RALGPS1: variants seen among roughly 807,000 people sequenced by gnomAD.
RALGPS1 encodes ras-specific guanine nucleotide-releasing factor RalGPS1.
In RALGPS1, 19 loss-of-function variants were observed where a neutral mutation model predicts 78.8. The ratio of observed to expected loss-of-function variants is 0.24; its 90% confidence interval spans 0.17 to 0.35. RALGPS1 has a LOEUF of 0.35. Ranked by LOEUF, RALGPS1 falls within the 10% of genes least tolerant of loss-of-function variation. RALGPS1 has a pLI of 1.00. For missense variants in RALGPS1, 454 were observed against 688.3 expected, an observed-to-expected ratio of 0.66 and a Z score of 3.81; for synonymous variants, 228 against 256.3, an observed-to-expected ratio of 0.89 and a Z score of 1.06.
At position 127,122,641 on chromosome 9, in the gene RALGPS1, C is replaced by T. The variant is rs1487013973; in HGVS notation, c.611-43428C>T. On this transcript the variant is annotated intron_variant, in intron 8 of 18. Transcript: ENST00000259351. The surrounding 1 kb of genome is among the most constrained non-coding windows in gnomAD (Gnocchi z 6.4). ...GTCCGCAGCAGCCTCATTTGAACTCCCAACTCCTTTGTGGAGCCTTTACAT... is the reference window on the plus strand; with the variant it reads ...GTCCGCAGCAGCCTCATTTGAACTCTCAACTCCTTTGTGGAGCCTTTACAT... 1 of 152,758 alleles carries T rather than the reference C, an allele frequency of 6.5e-6. No homozygotes were observed. Among genetic ancestry groups the T allele is most frequent in the African/African-American group, 2.4e-5 (1 of 41,450 alleles). The allele number at this position is 152,758 out of a possible 1,614,324, so 9.5% of individuals were successfully genotyped here.
intron 14 of RALGPS1, chr9:127,210,619 C>G (rs1228275057): frequency 1.8e-6 from 2 of 1,102,866 alleles, no homozygotes; most frequent in Non-Finnish European, 2.7e-6. Context: ...ACTATGTTGT[C>G]GGGGTGCTCT....
intron 8 of RALGPS1, among the ~76,000 whole-genome samples, chr9:127,082,311 G>A (rs1427297205): frequency 6.6e-6 from 1 of 152,208 alleles, no homozygotes; most frequent in Non-Finnish European, 1.5e-5. Flanking sequence ...CAAAGGATTG[G>A]TAGCCCAGGG....
chr9:127,097,441 A>G (rs1437084203), intron 8 of RALGPS1, among the ~76,000 whole-genome samples: 1 of 152,256 alleles, frequency 6.6e-6, no homozygotes, highest in African/African-American at 2.4e-5. Context: ...CATCAAAAAC[A>G]CAAATTCAAA....
chr9:127,191,121 C>T (rs1270405732), intron 11 of RALGPS1, among the ~76,000 whole-genome samples: 3 of 152,136 alleles, frequency 2.0e-5, no homozygotes, highest in Non-Finnish European at 4.4e-5. Flanking sequence ...CTCTGTGTAT[C>T]TGAAAGCTAA....
At chr9:126,955,652 T>C (rs2038271625) in intron 1 of RALGPS1, among the ~76,000 whole-genome samples, 1 of 152,198 alleles carries the variant, frequency 6.6e-6, no homozygotes. Flanking sequence ...AATTTTTTGG[T>C]ATAATTTTAT....
intron 8 of RALGPS1, among the ~76,000 whole-genome samples, chr9:127,136,614 T>C (rs1265265521): frequency 1.3e-5 from 2 of 152,134 alleles, no homozygotes; most frequent in East Asian, 3.9e-4. Flanking sequence ...GTCATCAGGA[T>C]ACAGTGAGCA....
In RALGPS1 at chr9:126,926,818, A is replaced by G. The variant is rs556536667; in HGVS notation, c.-66+11843A>G. On this transcript the variant is annotated intron_variant, in intron 1 of 18. Transcript: ENST00000259351. ...GGATGGGGAGGAGAAGGCAGGTTCA[A>G]AAGAAACTGATGTAGAGGCCTCTCC... Among the ~76,000 whole-genome samples the G allele has an allele frequency of 4.6e-5, 7 of 152,212 alleles. No individual in the cohort carries two copies. In the East Asian group the frequency reaches 1.3e-3, roughly 29 times the overall value.
chr9:127,040,824 C>T (rs180866167), intron 5 of RALGPS1, among the ~76,000 whole-genome samples: 9 of 152,278 alleles, frequency 5.9e-5, no homozygotes, highest in Admixed American at 2.6e-4. Flanking sequence ...CCTTTTCACA[C>T]GGACTTTTTT....
chr9:127,078,506 G>A (rs572151675), intron 8 of RALGPS1, among the ~76,000 whole-genome samples: 1 of 152,096 alleles, frequency 6.6e-6, no homozygotes, highest in Admixed American at 6.6e-5. Context: ...CTTAACTTAC[G>A]CATCCTCCTT....
At chr9:127,190,654 C>T (rs1184945585) in intron 11 of RALGPS1, among the ~76,000 whole-genome samples, 1 of 152,198 alleles carries the variant, frequency 6.6e-6, no homozygotes, top group Non-Finnish European at 1.5e-5. Flanking sequence ...TACTGATTGG[C>T]ATGTAGCTTG....
intron 11 of RALGPS1, among the ~76,000 whole-genome samples, chr9:127,189,753 C>T (rs1466367017): frequency 6.6e-6 from 1 of 152,110 alleles, no homozygotes; most frequent in Non-Finnish European, 1.5e-5. Flanking sequence ...AGGAGGGACC[C>T]CACAGGCAGA....
Position 127,007,168 on chromosome 9 carries a change from G to A in RALGPS1, c.217-27263G>A, listed in dbSNP as rs566355177. Among the ~76,000 whole-genome samples the A allele has an allele frequency of 2.0e-5, 3 of 152,136 alleles. No individual in the cohort carries two copies. The South Asian group carries it at 6.2e-4, about 32-fold the overall frequency. ...TCCCATATGCTTAGCATAGTTCTGGGTACATAGTATTTGTTTTGTAATTTT... is the reference window on the plus strand; with the variant it reads ...TCCCATATGCTTAGCATAGTTCTGGATACATAGTATTTGTTTTGTAATTTT... On this transcript the variant is annotated intron_variant, in intron 4 of 18. Transcript: ENST00000259351.
intron 3 of RALGPS1, among the ~76,000 whole-genome samples, chr9:126,969,102 A>G (rs2039838692): frequency 6.6e-6 from 1 of 152,206 alleles, no homozygotes; most frequent in Non-Finnish European, 1.5e-5. Flanking sequence ...AAGAGGTAAA[A>G]TTACTTGTAA....
chr9:127,044,111 T>A (rs576674707), intron 5 of RALGPS1, among the ~76,000 whole-genome samples: 1 of 152,322 alleles, frequency 6.6e-6, no homozygotes, highest in East Asian at 1.9e-4. Context: ...TTCATAGTTG[T>A]TGAAAATCAG....
chr9:126,938,381 T>G (rs2036457653), intron 1 of RALGPS1, among the ~76,000 whole-genome samples: 1 of 152,204 alleles, frequency 6.6e-6, no homozygotes, highest in South Asian at 2.1e-4. Context: ...GGTGGTGTAG[T>G]AGCCATAGGC....
intron 8 of RALGPS1, among the ~76,000 whole-genome samples, chr9:127,154,776 G>T (rs571887826): frequency 6.6e-6 from 1 of 152,344 alleles, no homozygotes; most frequent in Admixed American, 6.5e-5. Flanking sequence ...TGCATTAGTG[G>T]AAGTGGAAAA....
chr9:127,147,884 T>G (rs2058188392), intron 8 of RALGPS1, among the ~76,000 whole-genome samples: 1 of 152,214 alleles, frequency 6.6e-6, no homozygotes, highest in Admixed American at 6.5e-5. Flanking sequence ...ACTCTGATTC[T>G]CAAAACAGCC....
At chr9:127,054,637 AG>A (rs934324031) in intron 7 of RALGPS1, among the ~76,000 whole-genome samples, 2 of 152,192 alleles carry the variant, frequency 1.3e-5, no homozygotes, top group African/African-American at 4.8e-5. Flanking sequence ...GCCCTACTCA[AG>A]GTGGCTGGGT....
chr9:126,925,129 AAAATAAAT>A lies in RALGPS1; in HGVS notation c.-66+10176_-66+10183del, dbSNP rs545566022. ...GAAGCAAGAGTGAAACTCCATCTCA[AAAATAAAT>A]AAATAAATAAATAAATAAATATAAA... On this transcript the variant is annotated intron_variant, in intron 1 of 18. Transcript: ENST00000259351. Among the ~76,000 whole-genome samples, 17 of 152,074 alleles carry A rather than the reference AAAATAAAT, an allele frequency of 1.1e-4. No individual in the cohort carries two copies. The East Asian group carries it at 1.2e-3, about 10-fold the overall frequency.
Sources: gnomAD v4.1 joint callset for allele counts (sites outside exome capture counted in the v4.1 genomes callset) on GRCh38, gnomAD v4.1.1 for gene constraint, Gnocchi (gnomAD v3.1) non-coding constraint, MANE v1.5 for transcripts, NCBI Gene and HGNC (gene_info 2026-07-23, HGNC 2026-07-21) for gene names.